EDA: variants seen among roughly 807,000 people sequenced by gnomAD.
EDA encodes the protein ectodysplasin-A.
A neutral mutation model predicts 23.6 loss-of-function variants in EDA; 2 were observed. The ratio of observed to expected loss-of-function variants is 0.08; its 90% confidence interval spans 0.03 to 0.27. The LOEUF is 0.27. EDA is among the 10% of genes least tolerant of loss of function. The probability of loss-of-function intolerance (pLI) is 1.00; values close to 1 mark genes in which losing one functional copy is unlikely to be tolerated. For synonymous variants in EDA, 131 were observed against 132.0 expected, an observed-to-expected ratio of 0.99 and a Z score of 0.05; for missense variants, 229 against 324.2, an observed-to-expected ratio of 0.71 and a Z score of 2.26.
chrX:69,852,581 A>G (rs1256879537), intron 1 of EDA, among the ~76,000 whole-genome samples: 1 of 111,400 alleles, frequency 9.0e-6, no homozygotes. Context: ...TTAATGGGCC[A>G]CTCAAGTTTG....
chrX:69,747,890 A>G (rs146341580), intron 1 of EDA, among the ~76,000 whole-genome samples: 1,731 of 111,929 alleles, frequency 0.015, 30 homozygotes, highest in African/African-American at 0.054. Context: ...AGACTGGCAG[A>G]GTCCTGAAAT....
At chrX:69,630,642 C>A (rs1189913931) in intron 1 of EDA, among the ~76,000 whole-genome samples, 1 of 112,245 alleles carries the variant, frequency 8.9e-6, no homozygotes, top group Non-Finnish European at 1.9e-5. Context: ...GTGGTTATTT[C>A]TTAGAGGACT....
intron 2 of EDA, among the ~76,000 whole-genome samples, chrX:70,010,133 A>G (rs2019856028): frequency 8.9e-6 from 1 of 111,767 alleles, no homozygotes. Context: ...GATCTAGTTG[A>G]TTGATGGTAC....
chrX:69,632,981 C>G (rs975627003), intron 1 of EDA, among the ~76,000 whole-genome samples: 4 of 111,329 alleles, frequency 3.6e-5, no homozygotes, highest in Non-Finnish European at 7.5e-5. Context: ...TGACCCAAAT[C>G]TTCCTAAAAC....
intron 1 of EDA, among the ~76,000 whole-genome samples, chrX:69,811,968 G>A (rs2015968986): frequency 9.0e-6 from 1 of 111,557 alleles, no homozygotes; most frequent in Admixed American, 9.5e-5. Context: ...GAAGGGACAG[G>A]AGTGGGGCTT....
intron 1 of EDA, among the ~76,000 whole-genome samples, chrX:69,755,873 A>T (rs2014095490): frequency 1.8e-5 from 2 of 112,615 alleles, no homozygotes; most frequent in Middle Eastern, 4.6e-3. Flanking sequence ...CAGGCATGGG[A>T]TATAATCTCC....
chrX:70,035,879 G>A lies in EDA; in HGVS notation c.*270G>A, dbSNP rs1462107914. The A allele has an allele frequency of 3.5e-5, 14 of 399,298 alleles. No individual in the cohort carries two copies. In the East Asian group the frequency reaches 5.7e-4, roughly 16 times the overall value. 32.9% of individuals were successfully genotyped at this position (399,298 alleles called of 1,213,427 possible). On this transcript the variant is annotated 3_prime_UTR_variant, in exon 8 of 8. Transcript: ENST00000374552. ...TTCCATGTTGACTGACTTATGGCAT[G>A]ACTCTTCAACCCCGAGGTCCCTGTT...
At chrX:69,679,254 G>A (rs1453343402) in intron 1 of EDA, among the ~76,000 whole-genome samples, 1 of 105,083 alleles carries the variant, frequency 9.5e-6, no homozygotes, top group Non-Finnish European at 2.0e-5. Context: ...TTGCATCGAT[G>A]TTCATCAAGG....
intron 2 of EDA, among the ~76,000 whole-genome samples, chrX:70,004,817 G>T (rs931555439): frequency 2.7e-5 from 3 of 112,244 alleles, no homozygotes; most frequent in African/African-American, 9.7e-5. Flanking sequence ...AGAAGCCTGG[G>T]CCAGGAGCAG....
At chrX:69,831,077 T>C (rs1419016507) in intron 1 of EDA, among the ~76,000 whole-genome samples, 1 of 111,739 alleles carries the variant, frequency 8.9e-6, no homozygotes, top group Non-Finnish European at 1.9e-5. Flanking sequence ...TTATTATTAT[T>C]ATTAAACTTT....
At chrX:69,834,693 G>T (rs1163455748) in intron 1 of EDA, among the ~76,000 whole-genome samples, 1 of 111,061 alleles carries the variant, frequency 9.0e-6, no homozygotes, top group Non-Finnish European at 1.9e-5. Flanking sequence ...TCTTTTAACT[G>T]GGGCATTTAG....
At chrX:69,777,368 T>G (rs2014817751) in intron 1 of EDA, among the ~76,000 whole-genome samples, 1 of 111,133 alleles carries the variant, frequency 9.0e-6, no homozygotes, top group African/African-American at 3.3e-5. Context: ...ATTTATCACC[T>G]GTGTCTCTTT....
intron 1 of EDA, among the ~76,000 whole-genome samples, chrX:69,688,004 G>T (rs1569296918): frequency 9.0e-6 from 1 of 111,646 alleles, no homozygotes; most frequent in African/African-American, 3.3e-5. Context: ...CTGGGGCTTG[G>T]ATGGCAAAAT....
chrX:69,910,372 AGAGTGT>A (rs1229551695), intron 1 of EDA, among the ~76,000 whole-genome samples: 2,017 of 51,039 alleles, frequency 0.04, 25 homozygotes, highest in Admixed American at 0.077. Flanking sequence ...AGAGAGAGAG[AGAGTGT>A]GTGTGTGTGT....
At chrX:69,622,911 T>C (rs901030911) in intron 1 of EDA, among the ~76,000 whole-genome samples, 2 of 111,950 alleles carry the variant, frequency 1.8e-5, no homozygotes, top group African/African-American at 6.5e-5. Flanking sequence ...TTTTAAAATA[T>C]AGATATCCAA....
intron 1 of EDA, among the ~76,000 whole-genome samples, chrX:69,872,686 A>G (rs901726820): frequency 1.8e-5 from 2 of 111,957 alleles, no homozygotes; most frequent in African/African-American, 6.5e-5. Flanking sequence ...GGACTAGTCC[A>G]ACAGGAAAAT....
At chrX:69,978,028 T>C (rs1349333355) in intron 2 of EDA, among the ~76,000 whole-genome samples, 1 of 110,829 alleles carries the variant, frequency 9.0e-6, no homozygotes, top group Non-Finnish European at 1.9e-5. Context: ...ACCATTCATT[T>C]CCTGTTAGCA....
chrX:69,654,006 A>G (rs1933202982), intron 1 of EDA, among the ~76,000 whole-genome samples: 1 of 110,837 alleles, frequency 9.0e-6, no homozygotes, highest in African/African-American at 3.3e-5. Flanking sequence ...CATCAGAGTG[A>G]ACAGGCAACC....
Position 70,001,857 on chromosome X carries a change from T to C in EDA, c.503-21361T>C, listed in dbSNP as rs1047742597. On this transcript the variant is annotated intron_variant, in intron 2 of 7. Coordinates refer to ENST00000374552, the MANE Select transcript of EDA (RefSeq NM_001399.5). ...ACCTCAGACTTCTGTTGAGCCCAAG[T>C]GAAGGAGAAATGGTGTTCAGGGCTT... 5.4e-5 allele frequency among the ~76,000 whole-genome samples: 6 copies of C among 111,873 alleles called. No homozygotes were observed. The Admixed American group carries it at 5.7e-4, about 11-fold the overall frequency.
Sources: gnomAD v4.1 joint callset for allele counts (sites outside exome capture counted in the v4.1 genomes callset) on GRCh38, gnomAD v4.1.1 for gene constraint, MANE v1.5 for transcripts, NCBI Gene and HGNC (gene_info 2026-07-23, HGNC 2026-07-21) for gene names.